NBAS: variants seen among roughly 807,000 people sequenced by gnomAD.
NBAS encodes the protein NAG/BC035112 fusion.
A neutral mutation model predicts 302.5 loss-of-function variants in NBAS; 219 were observed. The observed-to-expected ratio is 0.72, with a 90% confidence interval of 0.65 to 0.81. The LOEUF is 0.81. NBAS is among the 30% of genes least tolerant of loss of function. NBAS has a pLI of 0.00. For missense variants in NBAS, 2,932 were observed against 2,841.6 expected (o/e 1.03, Z -0.72); for synonymous variants, 1,118 against 1,021.6 (o/e 1.09, Z -1.80).
intron 40 of NBAS, among the ~76,000 whole-genome samples, chr2:15,293,073 T>C (rs767752175): frequency 2.0e-5 from 3 of 152,162 alleles, no homozygotes; most frequent in African/African-American, 7.2e-5. Context: ...TTTCAACTAT[T>C]ATAAACCTCC....
the NBAS span, among the ~76,000 whole-genome samples, chr2:14,966,650 T>C: frequency 8.5e-5 from 13 of 152,146 alleles, no homozygotes; most frequent in African/African-American, 2.7e-4. Flanking sequence ...CTCAGCAAAG[T>C]AGGAATAGAA....
intron 44 of NBAS, among the ~76,000 whole-genome samples, chr2:15,268,568 A>C (rs1292214999): frequency 6.6e-6 from 1 of 152,194 alleles, no homozygotes; most frequent in Non-Finnish European, 1.5e-5. Flanking sequence ...GGCACACATG[A>C]TAGTTCTGCT....
In NBAS at chr2:15,551,258, C is replaced by T. The variant is rs6431713; in HGVS notation, c.379+235G>A. ...GGCTACAGTTAAAAATACTTCATCC[C>T]ATAACTGGCTTAGACTTTTTTAGAA... On this transcript the variant is annotated intron_variant, in intron 6 of 51. Coordinates refer to ENST00000281513, the MANE Select transcript of NBAS (RefSeq NM_015909.4). Among the ~76,000 whole-genome samples the T allele has an allele frequency of 0.62, 93,519 of 151,346 alleles. 29,745 individuals are homozygous for T. Among genetic ancestry groups the T allele is most frequent in the Non-Finnish European group, 0.68 (45,920 of 67,874 alleles).
chr2:15,206,033 T>G (rs964976983), intron 48 of NBAS, among the ~76,000 whole-genome samples: 14 of 151,972 alleles, frequency 9.2e-5, no homozygotes, highest in African/African-American at 3.4e-4. Context: ...TGGGTAGAGG[T>G]TGGAACAGTT....
chr2:14,992,176 A>G, the NBAS span, among the ~76,000 whole-genome samples: 2 of 152,184 alleles, frequency 1.3e-5, no homozygotes, highest in Non-Finnish European at 2.9e-5. Context: ...TAAAAACTGT[A>G]AATCATTATG....
the NBAS span, among the ~76,000 whole-genome samples, chr2:15,143,422 A>G: frequency 6.6e-6 from 1 of 152,174 alleles, no homozygotes; most frequent in Non-Finnish European, 1.5e-5. Context: ...TTTGATCCTG[A>G]GGCCCTTGTG....
intron 9 of NBAS, among the ~76,000 whole-genome samples, chr2:15,532,366 A>G (rs942604493): frequency 6.6e-6 from 1 of 151,558 alleles, no homozygotes; most frequent in Non-Finnish European, 1.5e-5. Context: ...GCAGGCGCCT[A>G]TAGTCCCAGC....
At chr2:14,868,367 C>T in the NBAS span, among the ~76,000 whole-genome samples, 1 of 151,998 alleles carries the variant, frequency 6.6e-6, no homozygotes, top group Non-Finnish European at 1.5e-5. Flanking sequence ...TGGATTTTAA[C>T]AAGACTACAA....
At chr2:15,481,571 G>A (rs1241301703) in intron 12 of NBAS, among the ~76,000 whole-genome samples, 1 of 152,072 alleles carries the variant, frequency 6.6e-6, no homozygotes, top group Non-Finnish European at 1.5e-5. Context: ...TGTATTTGCT[G>A]GAGCTCAGAA....
rs116208971 is a variant in NBAS, at chr2:15,437,845, T to C, written c.2340-10051A>G. 6.7e-3 allele frequency among the ~76,000 whole-genome samples: 1,017 copies of C among 152,282 alleles called. 11 individuals carry two copies. Among genetic ancestry groups the C allele is most frequent in the African/African-American group, 0.022 (923 of 41,562 alleles). On this transcript the variant is annotated intron_variant, in intron 21 of 51. Transcript: ENST00000281513. The stretch of plus-strand genomic sequence containing the variant: ...AATAGATGCTATAATAAGTTAACAA[T>C]TGAGACACAAAGTGCCACTGGTATT...
the NBAS span, among the ~76,000 whole-genome samples, chr2:15,160,602 G>GGGGGGGGGGGGGGGGGGC: frequency 8.2e-6 from 1 of 122,496 alleles, no homozygotes; most frequent in Admixed American, 8.3e-5. Context: ...AGGGGGGGGG[G>GGGGGGGGGGGGGGGGGGC]CAGGAGGCTG....
chr2:15,146,808 A>G, the NBAS span, among the ~76,000 whole-genome samples: 1 of 152,144 alleles, frequency 6.6e-6, no homozygotes, highest in Non-Finnish European at 1.5e-5. Context: ...GGCTGTCAAT[A>G]GACAACAGAG....
In NBAS at chr2:15,556,836, T is replaced by C. The variant is rs1664668828; in HGVS notation, c.173-17A>G. 1.9e-6 allele frequency: 3 copies of C among 1,600,508 alleles called. No homozygotes were observed. The highest frequency in any genetic ancestry group is 1.7e-6 in the Non-Finnish European group (2 of 1,168,210). ...ATAAACGATCTGTAATCAAAAGAAA[T>C]GGCAAAGCCAAATATAAATCAGCTG... is the stretch of plus-strand genomic sequence containing the variant. On this transcript the variant is annotated splice_polypyrimidine_tract_variant and intron_variant, in intron 2 of 51. Coordinates refer to ENST00000281513, the MANE Select transcript of NBAS (RefSeq NM_015909.4).
At chr2:15,419,130 C>T (rs1572819892) in intron 23 of NBAS, among the ~76,000 whole-genome samples, 1 of 152,222 alleles carries the variant, frequency 6.6e-6, no homozygotes, top group East Asian at 1.9e-4. Flanking sequence ...ATACTTGTTG[C>T]ATATTTCTAA....
chr2:15,360,829 T>C (rs1238503240), intron 32 of NBAS, among the ~76,000 whole-genome samples: 1 of 152,128 alleles, frequency 6.6e-6, no homozygotes, highest in Non-Finnish European at 1.5e-5. Flanking sequence ...TCATCTCCTA[T>C]GATATCAATG....
At chr2:15,439,672 C>T (rs551661746) in intron 21 of NBAS, among the ~76,000 whole-genome samples, 16 of 152,234 alleles carry the variant, frequency 1.1e-4, no homozygotes, top group East Asian at 3.9e-4. Context: ...GTGGGTGCAG[C>T]GCGCCGTGCA....
the NBAS span, among the ~76,000 whole-genome samples, chr2:14,797,167 G>C: frequency 1.3e-5 from 2 of 152,006 alleles, no homozygotes; most frequent in Non-Finnish European, 2.9e-5. Context: ...TTTGGGTTGG[G>C]GGGTGACCCA....
chr2:14,848,552 G>T, the NBAS span, among the ~76,000 whole-genome samples: 8 of 141,148 alleles, frequency 5.7e-5, 2 homozygotes, highest in African/African-American at 2.5e-4. Context: ...CGGCCAGGAA[G>T]CTTGAACTGG....
intron 48 of NBAS, among the ~76,000 whole-genome samples, chr2:15,193,790 T>C (rs1247258897): frequency 6.6e-6 from 1 of 151,858 alleles, no homozygotes; most frequent in Non-Finnish European, 1.5e-5. Context: ...TAAAGAAAAA[T>C]AAAAGGTAAA....
Sources: allele counts gnomAD v4.1 joint callset (sites outside exome capture counted in the v4.1 genomes callset), GRCh38; gene constraint gnomAD v4.1.1; transcripts MANE v1.5; gene names NCBI Gene and HGNC (gene_info 2026-07-23, HGNC 2026-07-21).